Variants in TRIM62 observed in about 807,000 individuals in gnomAD.
TRIM62 encodes the protein E3 ubiquitin-protein ligase TRIM62.
Under a neutral mutation model 44.2 loss-of-function variants are expected in TRIM62, and 39 were observed. The observed-to-expected ratio is 0.88, with a 90% CI of 0.68 to 1.15. TRIM62 has a LOEUF of 1.15. TRIM62 is among the 50% of genes most tolerant of loss of function. The probability of loss-of-function intolerance (pLI) is 0.00; values close to 1 mark genes in which losing one functional copy is unlikely to be tolerated. For missense variants in TRIM62, 544 were observed against 665.5 expected (o/e 0.82, Z 2.01); for synonymous variants, 278 against 292.3 (o/e 0.95, Z 0.50).
rs529009073 is a variant in TRIM62, at chr1:33,167,123, C to T, written c.409-1557G>A. On this transcript the variant is annotated intron_variant, in intron 1 of 4. Transcript: ENST00000291416. The surrounding 1 kb of genome is among the most constrained non-coding windows in gnomAD (Gnocchi z 4.2). ...TGGCCTCCACTCTCAGAGTTTCTCACGGTGACTCCTTTGTACCATTAATTT... is the reference window on the plus strand; with the variant it reads ...TGGCCTCCACTCTCAGAGTTTCTCATGGTGACTCCTTTGTACCATTAATTT... 1.9e-4 allele frequency among the ~76,000 whole-genome samples: 29 copies of T among 152,290 alleles called. No individual in the cohort carries two copies. Among genetic ancestry groups the T allele is most frequent in the East Asian group, 9.7e-4 (5 of 5,172 alleles).
At chr1:33,170,977 G>T (rs958957166) in intron 1 of TRIM62, among the ~76,000 whole-genome samples, 1 of 152,218 alleles carries the variant, frequency 6.6e-6, no homozygotes, top group African/African-American at 2.4e-5. Context: ...CGGCTCCCTA[G>T]TCGCTTCTTT....
rs528171843 is a variant in TRIM62 at position 33,173,516 on chromosome 1, C to T, written c.408+7509G>A. On this transcript the variant is annotated intron_variant, in intron 1 of 4. Transcript: ENST00000291416. ...GCTGGTCAAGCCTTGCTTTTCCATT[C>T]TTACCTCCTCCTGCCACACCCTCCC... 1.4e-4 allele frequency among the ~76,000 whole-genome samples: 21 copies of T among 152,212 alleles called. No individual in the cohort carries two copies. In the South Asian group the frequency reaches 3.5e-3, roughly 26 times the overall value.
rs535459037 is a variant in TRIM62 at position 33,147,719 on chromosome 1, C to A, written c.886G>T (p.Ala296Ser). The part of the protein sequence containing the change: ...LFQDIHPVPA[A>S]LTLDPGTAHQ... ...GCTGTGCCCGGGTCCAGGGTTAGGG[C>A]GGCTGGCACTGTGGGGGTTGGAGGA... Residue 296 changes from alanine (A) to serine (S), a missense_variant, in exon 5 of 5, where the codon GCC becomes TCC. By Grantham distance (99) the Ala-to-Ser change is moderately conservative. Coordinates refer to ENST00000291416, the MANE Select transcript of TRIM62 (RefSeq NM_018207.3). The surrounding 1 kb of genome is among the most constrained non-coding windows in gnomAD (Gnocchi z 8.1). 6.2e-7 allele frequency: 1 copy of A among 1,609,304 alleles called. No individual in the cohort carries two copies.
In TRIM62 at chr1:33,181,607, G is replaced by C. The variant is rs1486567560; in HGVS notation, c.-175C>G. On this transcript the variant is annotated 5_prime_UTR_variant, in exon 1 of 5. Coordinates refer to ENST00000291416, the MANE Select transcript of TRIM62 (RefSeq NM_018207.3). This position sits in a 1 kb window ranked among gnomAD's most constrained non-coding sequence, Gnocchi z 6.5. The stretch of plus-strand genomic sequence containing the variant: ...TCCGGAAGGAGGGTAACGCGAGGAA[G>C]GGGTGCGCGGCTGAGACTCCGTGGG... 2 of 1,242,786 alleles carry C rather than the reference G, an allele frequency of 1.6e-6. No homozygotes were observed. The highest frequency in any genetic ancestry group is 2.1e-6 in the Non-Finnish European group (2 of 939,074). The allele number at this position is 1,242,786 out of a possible 1,614,324, so 77.0% of individuals were successfully genotyped here. A position where few individuals can be genotyped will look rare whatever the true frequency, so the allele number is the denominator to read the frequency against.
intron 1 of TRIM62, among the ~76,000 whole-genome samples, chr1:33,168,977 T>A (rs1342153868): frequency 6.6e-6 from 1 of 151,270 alleles, no homozygotes; most frequent in African/African-American, 2.4e-5. Flanking sequence ...GATTTTGCAG[T>A]CAGGGAATAA....
chr1:33,154,115 A>G (rs533806522), intron 4 of TRIM62, among the ~76,000 whole-genome samples: 1 of 152,266 alleles, frequency 6.6e-6, no homozygotes, highest in African/African-American at 2.4e-5. Context: ...GCAAACGTGT[A>G]GATGAGGGAG....
intron 1 of TRIM62, among the ~76,000 whole-genome samples, chr1:33,176,980 C>T (rs1338365078): frequency 2.0e-5 from 3 of 152,180 alleles, no homozygotes; most frequent in African/African-American, 7.2e-5. Context: ...CCACTTTGCT[C>T]AGTGGTCCAG....
intron 4 of TRIM62, among the ~76,000 whole-genome samples, chr1:33,157,544 T>C (rs1645196218): frequency 6.6e-6 from 1 of 152,160 alleles, no homozygotes; most frequent in Admixed American, 6.5e-5. Flanking sequence ...TTTACTTTTG[T>C]CTACTTTCTA....
intron 4 of TRIM62, among the ~76,000 whole-genome samples, chr1:33,149,824 C>T (rs1475071850): frequency 6.6e-6 from 1 of 152,112 alleles, no homozygotes. Flanking sequence ...CACATTTTGC[C>T]CTATTTCCCC....
chr1:33,156,259 A>G (rs1645177606), intron 4 of TRIM62, among the ~76,000 whole-genome samples: 1 of 151,540 alleles, frequency 6.6e-6, no homozygotes, highest in Non-Finnish European at 1.5e-5. Context: ...GCACTGCCAC[A>G]CTCTCTCTCC....
chr1:33,181,245 G>A lies in TRIM62; in HGVS notation c.188C>T (p.Ala63Val), dbSNP rs924968401. 2.6e-6 allele frequency: 4 copies of A among 1,552,338 alleles called. No homozygotes were observed. The African/African-American group carries it at 4.1e-5, about 16-fold the overall frequency. The change falls in exon 1 of 5, where the codon GCG becomes GTG. Residue 63 changes from alanine (A) to valine (V), a missense_variant. Physicochemically the swap from Ala to Val is moderately conservative, Grantham distance 64. Transcript: ENST00000291416. This position sits in a 1 kb window ranked among gnomAD's most constrained non-coding sequence, Gnocchi z 6.5. ...GATGTTGGCCAGCTTGAGGCTGGGCGCCAGCGCGGGCTCGGCGAACGTGCG... is the reference window on the plus strand; with the variant it reads ...GATGTTGGCCAGCTTGAGGCTGGGCACCAGCGCGGGCTCGGCGAACGTGCG... The part of the protein sequence containing the change: ...CRRTFAEPAL[A>V]PSLKLANIVE...
chr1:33,158,959 G>A (rs1305652087), intron 3 of TRIM62, among the ~76,000 whole-genome samples: 2 of 151,932 alleles, frequency 1.3e-5, no homozygotes, highest in Non-Finnish European at 2.9e-5. Context: ...TCCTGCCTCA[G>A]CCTCCTGAAT....
At chr1:33,156,570 C>T (rs1468783921) in intron 4 of TRIM62, among the ~76,000 whole-genome samples, 2 of 152,198 alleles carry the variant, frequency 1.3e-5, no homozygotes, top group Non-Finnish European at 2.9e-5. Context: ...CCTCTTGTCC[C>T]TGACTTCTAG....
In TRIM62 at chr1:33,147,666, G is replaced by A. The variant is rs780882512; in HGVS notation, c.939C>T (p.Asp313=). 6 of 1,613,794 alleles carry A rather than the reference G, an allele frequency of 3.7e-6. No individual in the cohort carries two copies. The South Asian group carries it at 5.5e-5, about 15-fold the overall frequency. ...TAHQRLILSD[D]CTIVAYGNLH... is the part of the protein sequence containing the mutation. ...AGTTGCCGTAAGCCACAATGGTGCA[G>A]TCGTCCGACAGGATCAGGCGCTGGT... The change falls in exon 5 of 5, where the codon GAC becomes GAT. Residue 313 remains aspartate, a synonymous_variant. Coordinates refer to ENST00000291416, the MANE Select transcript of TRIM62 (RefSeq NM_018207.3). This position sits in a 1 kb window ranked among gnomAD's most constrained non-coding sequence, Gnocchi z 8.1.
chr1:33,149,697 C>G (rs113880763), intron 4 of TRIM62, among the ~76,000 whole-genome samples: 4,472 of 152,282 alleles, frequency 0.029, 205 homozygotes, highest in African/African-American at 0.091. Context: ...TCAAGTGATC[C>G]TGCTGCCTCA....
chr1:33,152,852 G>T (rs906909272), intron 4 of TRIM62, among the ~76,000 whole-genome samples: 1 of 152,156 alleles, frequency 6.6e-6, no homozygotes, highest in African/African-American at 2.4e-5. Context: ...CAGGGGGCGG[G>T]GAGAGCAGCC....
chr1:33,151,263 G>T (rs1289280276), intron 4 of TRIM62, among the ~76,000 whole-genome samples: 1 of 152,100 alleles, frequency 6.6e-6, no homozygotes, highest in African/African-American at 2.4e-5. Flanking sequence ...GACAGGATGG[G>T]TACAGGGCCT....
At chr1:33,179,901 A>C (rs1363423598) in intron 1 of TRIM62, among the ~76,000 whole-genome samples, 1 of 147,264 alleles carries the variant, frequency 6.8e-6, no homozygotes, top group East Asian at 2.0e-4. Flanking sequence ...GCACACTGAA[A>C]ATTCTCCAAG....
rs1009553489 is a variant in TRIM62, at chr1:33,176,531, T to C, written c.408+4494A>G. 12 of 646,984 alleles carry C rather than the reference T, an allele frequency of 1.9e-5. No individual in the cohort carries two copies. The African/African-American group carries it at 2.1e-4, about 11-fold the overall frequency. The allele number at this position is 646,984 out of a possible 1,614,324, so 40.1% of individuals were successfully genotyped here. ...CTGAGACTGAATCGGATCCCCTCTC[T>C]GGGGGTTAGGAACCTGAGACGGCCA... On this transcript the variant is annotated intron_variant, in intron 1 of 4. Transcript: ENST00000291416.
Sources: allele counts gnomAD v4.1 joint callset (sites outside exome capture counted in the v4.1 genomes callset), GRCh38; gene constraint gnomAD v4.1.1; non-coding constraint Gnocchi (gnomAD v3.1); transcripts MANE v1.5; gene names NCBI Gene and HGNC (gene_info 2026-07-23, HGNC 2026-07-21).